AGBL2: variants seen among roughly 807,000 people sequenced by gnomAD.
AGBL2 encodes cytosolic carboxypeptidase 2.
AGBL2 carries 87 observed loss-of-function variants against 103.0 expected under a neutral mutation model. That is an observed-to-expected ratio of 0.84 (90% confidence interval 0.71 to 1.01). The LOEUF (loss-of-function observed/expected upper bound fraction) is 1.01, where lower values mean the gene tolerates loss of function less well. Ranked by LOEUF, AGBL2 falls within the 50% of genes least tolerant of loss-of-function variation. The pLI, the probability that AGBL2 is intolerant of heterozygous loss-of-function variation, is 0.00. For synonymous variants in AGBL2, 335 were observed against 356.7 expected (o/e 0.94, Z 0.69); for missense variants, 904 against 1,023.5 (o/e 0.88, Z 1.59).
intron 3 of AGBL2, 40 bp from the exon 4 acceptor site, chr11:47,710,551 AC>A (rs1201666111): frequency 6.2e-6 from 10 of 1,610,560 alleles, no homozygotes; most frequent in Non-Finnish European, 8.5e-6. Flanking sequence ...TGGAAGGCCG[AC>A]TCATCACTTC....
At chr11:47,701,294 C>T (rs1036469597) in intron 7 of AGBL2, among the ~76,000 whole-genome samples, 1 of 150,942 alleles carries the variant, frequency 6.6e-6, no homozygotes, top group Admixed American at 6.6e-5. Flanking sequence ...CATGGTGAAA[C>T]CCCGTCTCTA....
rs200629094 is a variant in AGBL2 at position 47,680,008 on chromosome 11, T to G, written c.1981A>C (p.Thr661Pro). The change falls in exon 13 of 19, where the codon ACC becomes CCC. Residue 661 changes from threonine (T) to proline (P), a missense_variant. Coordinates refer to ENST00000525123, the MANE Select transcript of AGBL2 (RefSeq NM_024783.4). ...TCAGGATCACAAAAGTCCAGAAGGGTGTCACAGACATGATAACCTAAGGAC... is the reference window on the plus strand; with the variant it reads ...TCAGGATCACAAAAGTCCAGAAGGGGGTCACAGACATGATAACCTAAGGAC... ...LKSLGYHVCD[T>P]LLDFCDPDQM... 393 of 1,612,950 alleles carry G rather than the reference T, an allele frequency of 2.4e-4. 1 individual carries two copies. In the East Asian group the frequency reaches 4.3e-3, roughly 18 times the overall value.
chr11:47,688,052 C>T (rs1345632422), intron 10 of AGBL2, among the ~76,000 whole-genome samples: 1 of 152,048 alleles, frequency 6.6e-6, no homozygotes, highest in Non-Finnish European at 1.5e-5. Flanking sequence ...AAGTGATCTG[C>T]CTGCTTCAGC....
chr11:47,676,813 CAAAAA>C (rs566335901), intron 14 of AGBL2, among the ~76,000 whole-genome samples: 2 of 69,812 alleles, frequency 2.9e-5, no homozygotes. Context: ...GCCTCCATCT[CAAAAA>C]AAAAAAAAAA....
intron 14 of AGBL2, among the ~76,000 whole-genome samples, chr11:47,675,439 C>T (rs2097371812): frequency 7.3e-6 from 1 of 137,568 alleles, no homozygotes; most frequent in Non-Finnish European, 1.5e-5. Context: ...GGCTGAAACG[C>T]AGTGGCGCAA....
chr11:47,662,161 A>G (rs1447261148), intron 18 of AGBL2, among the ~76,000 whole-genome samples: 1 of 151,758 alleles, frequency 6.6e-6, no homozygotes, highest in African/African-American at 2.4e-5. Flanking sequence ...CTTTTTTTAA[A>G]GTTTTTATAT....
chr11:47,678,715 T>C (rs985395287), intron 13 of AGBL2, among the ~76,000 whole-genome samples: 1 of 151,614 alleles, frequency 6.6e-6, no homozygotes, highest in Non-Finnish European at 1.5e-5. Context: ...AGAAAGGCCA[T>C]AGGGGAAGTC....
intron 6 of AGBL2, 47 bp downstream of exon 6, chr11:47,705,474 T>G: frequency 3.9e-6 from 1 of 259,084 alleles, no homozygotes; most frequent in South Asian, 3.9e-5. Flanking sequence ...GGTGAAATCC[T>G]GTCTCTACTA....
chr11:47,679,711 G>A (rs1394792874), intron 13 of AGBL2, among the ~76,000 whole-genome samples: 1 of 150,196 alleles, frequency 6.7e-6, no homozygotes, highest in South Asian at 2.1e-4. Context: ...GTGTGATCTC[G>A]ACTCAGTGCA....
intron 3 of AGBL2, chr11:47,714,041 AC>A: frequency 2.1e-6 from 1 of 487,124 alleles, no homozygotes; most frequent in Non-Finnish European, 3.7e-6. Flanking sequence ...GGATAGCCAA[AC>A]AGACCAATGG....
chr11:47,711,978 T>A (rs954425694), intron 3 of AGBL2, among the ~76,000 whole-genome samples: 8 of 152,072 alleles, frequency 5.3e-5, no homozygotes, highest in African/African-American at 1.9e-4. Context: ...AGTTGGGAGG[T>A]AGGAGGATCG....
chr11:47,714,514 CCA>C, intron 2 of AGBL2, 102 bp downstream of exon 2: 1 of 1,382,054 alleles, frequency 7.2e-7, no homozygotes, highest in South Asian at 1.2e-5. Context: ...AGAAAAGATG[CCA>C]CCAGAACATC....
In AGBL2 at chr11:47,714,652, T is replaced by A; in HGVS notation, c.-2A>T. On this transcript the variant is annotated 5_prime_UTR_variant, in exon 2 of 19. The change abolishes the stop of an existing upstream ORF in the 5' untranslated region. Coordinates refer to ENST00000525123, the MANE Select transcript of AGBL2 (RefSeq NM_024783.4). ...GTGCGTTTCCAAAGCTGGGAACATG[T>A]TACTTCTGGATGGTAGGCTGAAAAC... 1 of 1,613,940 alleles carries A rather than the reference T, an allele frequency of 6.2e-7. No individual in the cohort carries two copies. Among genetic ancestry groups the A allele is most frequent in the African/African-American group, 1.3e-5 (1 of 75,000 alleles).
intron 13 of AGBL2, among the ~76,000 whole-genome samples, 171 bp from the exon 14 acceptor site, chr11:47,677,572 G>A (rs2097380573): frequency 6.6e-6 from 1 of 152,068 alleles, no homozygotes; most frequent in South Asian, 2.1e-4. Context: ...TCCTGCCTCA[G>A]CCTCCCAAGT....
intron 10 of AGBL2, among the ~76,000 whole-genome samples, chr11:47,686,280 C>CT (rs1280061836): frequency 1.3e-5 from 2 of 151,704 alleles, no homozygotes; most frequent in African/African-American, 2.4e-5. Flanking sequence ...TTCTTTTTTT[C>CT]TTTTTTGAGA....
intron 15 of AGBL2, among the ~76,000 whole-genome samples, 198 bp downstream of exon 15, chr11:47,668,643 C>T (rs2097348256): frequency 6.6e-6 from 1 of 152,088 alleles, no homozygotes; most frequent in African/African-American, 2.4e-5. Flanking sequence ...TTGGGTGTTA[C>T]CTTAAGATGG....
intron 15 of AGBL2, 62 bp from the exon 16 acceptor site, chr11:47,667,758 G>A: frequency 6.4e-7 from 1 of 1,564,420 alleles, no homozygotes; most frequent in Non-Finnish European, 8.7e-7. Flanking sequence ...ACCCACATGT[G>A]GCACTCTTCA....
Position 47,714,286 on chromosome 11 carries a change from T to G in AGBL2, c.95A>C (p.Lys32Thr), listed in dbSNP as rs1299477973. ...YRHLQYYGYF[K>T]AQRGSLPNSA... ...ACTAGATAAGAACATGGTATTACCTTTAAAGTAGCCATAATATTGGAGGTG... is the reference window on the plus strand; with the variant it reads ...ACTAGATAAGAACATGGTATTACCTGTAAAGTAGCCATAATATTGGAGGTG... The change falls in exon 3 of 19, where the codon AAA becomes ACA. Residue 32 changes from lysine (K) to threonine (T), a missense_variant and splice_region_variant. Physicochemically the swap from Lys to Thr is moderately conservative, Grantham distance 78. Coordinates refer to ENST00000525123, the MANE Select transcript of AGBL2 (RefSeq NM_024783.4). 6.2e-7 allele frequency: 1 copy of G among 1,611,794 alleles called. No homozygotes were observed. The highest frequency in any genetic ancestry group is 8.5e-7 in the Non-Finnish European group (1 of 1,178,596).
Position 47,660,356 on chromosome 11 carries a change from T to A in AGBL2, c.2536-10A>T, listed in dbSNP as rs1180813028. 1 of 1,590,428 alleles carries A rather than the reference T, an allele frequency of 6.3e-7. No homozygotes were observed. The highest frequency in any genetic ancestry group is 8.6e-7 in the Non-Finnish European group (1 of 1,168,432). ...AGCCTGGCTTCTTATTCTGTGCAAA[T>A]AAGATTTTAAAAAGTTGAATTCAGT... On this transcript the variant is annotated splice_polypyrimidine_tract_variant and intron_variant, in intron 18 of 18. Transcript: ENST00000525123.
Sources: allele counts gnomAD v4.1 joint callset (sites outside exome capture counted in the v4.1 genomes callset), GRCh38; gene constraint gnomAD v4.1.1; transcripts MANE v1.5; gene names NCBI Gene and HGNC (gene_info 2026-07-23, HGNC 2026-07-21).